ZMYM6: variants seen among roughly 807,000 people sequenced by gnomAD.
The protein encoded by ZMYM6 is zinc finger MYM-type protein 6.
A neutral mutation model predicts 134.0 loss-of-function variants in ZMYM6; 90 were observed. That is an observed-to-expected ratio of 0.67 (90% CI 0.57 to 0.80). The LOEUF (loss-of-function observed/expected upper bound fraction) is 0.80, where lower values mean the gene tolerates loss of function less well. Among genes scored for constraint, ZMYM6 ranks in the 30% least tolerant of loss-of-function variants. ZMYM6 has a pLI of 0.00. For synonymous variants in ZMYM6, 481 were observed against 524.1 expected (o/e 0.92, Z 1.12); for missense variants, 1,362 against 1,533.9 (o/e 0.89, Z 1.87).
chr1:35,009,469 GT>G (rs11327058), intron 10 of ZMYM6, among the ~76,000 whole-genome samples: 8,610 of 152,230 alleles, frequency 0.057, 721 homozygotes, highest in African/African-American at 0.19. Context: ...AGGTATAAAA[GT>G]TTTTTAAGCC....
chr1:34,991,106 C>T (rs1334184974), intron 15 of ZMYM6, among the ~76,000 whole-genome samples: 2 of 152,098 alleles, frequency 1.3e-5, no homozygotes, highest in Non-Finnish European at 2.9e-5. Flanking sequence ...TCAGGTGATC[C>T]GCCCATGTTG....
chr1:35,002,488 T>G (rs900581136), intron 14 of ZMYM6, among the ~76,000 whole-genome samples: 4 of 152,220 alleles, frequency 2.6e-5, no homozygotes, highest in Admixed American at 2.6e-4. Flanking sequence ...TGCCTTAGCA[T>G]AGATGATAGA....
In ZMYM6 at chr1:35,023,225, G is replaced by A. The variant is rs149846441; in HGVS notation, c.94-2758C>T. Among the ~76,000 whole-genome samples, 569 of 151,630 alleles carry A rather than the reference G, an allele frequency of 3.8e-3. 6 individuals carry two copies. The highest frequency in any genetic ancestry group is 0.012 in the African/African-American group (507 of 41,318). On this transcript the variant is annotated intron_variant, in intron 2 of 15. Transcript: ENST00000357182. ...AGGGTTCAATCGATTCTCCTCCCTC[G>A]GCCTCCCCAGTAGCTGGGATTACAG...
intron 6 of ZMYM6, among the ~76,000 whole-genome samples, chr1:35,014,323 C>T (rs185971537): frequency 3.9e-5 from 6 of 152,154 alleles, no homozygotes; most frequent in Admixed American, 2.0e-4. Context: ...TTTATGAGGC[C>T]GAGGTGTGGT....
chr1:35,010,617 C>A lies in ZMYM6; in HGVS notation c.1342-20G>T. Reference sequence around the variant, plus strand: ...TTTACCCTGCAGAGAAACAACAGTCCATTAAGAGCCAACTAAACAGTTGCT... The same window carrying A: ...TTTACCCTGCAGAGAAACAACAGTCAATTAAGAGCCAACTAAACAGTTGCT... On this transcript the variant is annotated intron_variant, in intron 9 of 15. Transcript: ENST00000357182. The A allele has an allele frequency of 1.3e-6, 2 of 1,591,506 alleles. No individual in the cohort carries two copies. Among genetic ancestry groups the A allele is most frequent in the South Asian group, 1.2e-5 (1 of 86,538 alleles).
At chr1:35,003,142 CCGCA>C (rs1249435713) in intron 14 of ZMYM6, among the ~76,000 whole-genome samples, 1 of 148,880 alleles carries the variant, frequency 6.7e-6, no homozygotes, top group African/African-American at 2.5e-5. Context: ...GATCATGCCA[CCGCA>C]CTCCAGCCTG....
At position 34,988,575 on chromosome 1, in the gene ZMYM6, G is replaced by A; in HGVS notation, c.2507C>T (p.Ala836Val). Residue 836 changes from alanine (A) to valine (V), a missense_variant, in exon 16 of 16, where the codon GCT becomes GTT. Physicochemically the swap from Ala to Val is moderately conservative, Grantham distance 64. Transcript: ENST00000357182. ...KSLVKASYLI[A>V]FQTAASKKPF... The stretch of plus-strand genomic sequence containing the variant: ...CTTCTTGCTTGCAGCAGTTTGGAAA[G>A]CAATTAAATAAGAAGCTTTCACAAG... The A allele has an allele frequency of 6.4e-7, 1 of 1,551,066 alleles. No homozygotes were observed. Among genetic ancestry groups the A allele is most frequent in the Non-Finnish European group, 8.7e-7 (1 of 1,146,884 alleles).
At position 35,019,617 on chromosome 1, in the gene ZMYM6, TAAA is replaced by T; in HGVS notation, c.179-18_179-16del. ...CAACTGCTGGGCTATCAAAACAAAA[TAAA>T]AAAAGTTTTAGTATCAATACTAATG... On this transcript the variant is annotated splice_polypyrimidine_tract_variant and intron_variant, in intron 3 of 15. Transcript: ENST00000357182. 6.4e-7 allele frequency: 1 copy of T among 1,566,596 alleles called. No individual in the cohort carries two copies. Among genetic ancestry groups the T allele is most frequent in the Non-Finnish European group, 8.6e-7 (1 of 1,164,916 alleles).
At chr1:35,020,565 CTCCTTT>C in intron 2 of ZMYM6, 98 bp from the exon 3 acceptor site, 1 of 552,104 alleles carries the variant, frequency 1.8e-6, no homozygotes, top group Non-Finnish European at 2.6e-6. Flanking sequence ...TCCTATTCAT[CTCCTTT>C]TTTTTTTTTT....
At chr1:35,013,008 T>C in intron 6 of ZMYM6, 1 of 971,924 alleles carries the variant, frequency 1.0e-6, no homozygotes, top group Non-Finnish European at 1.2e-6. Flanking sequence ...AAATGATATT[T>C]AATGTATATT....
At chr1:34,999,858 T>C (rs895053233) in intron 14 of ZMYM6, among the ~76,000 whole-genome samples, 2 of 152,120 alleles carry the variant, frequency 1.3e-5, no homozygotes, top group Non-Finnish European at 2.9e-5. Flanking sequence ...CTAACAATTC[T>C]ACTCTCCCAT....
chr1:34,989,002 C>A, intron 15 of ZMYM6, 67 bp from the exon 16 acceptor site: 1 of 1,538,332 alleles, frequency 6.5e-7, no homozygotes, highest in Non-Finnish European at 8.7e-7. Flanking sequence ...ATGTATCTCC[C>A]CACATATTTA....
At chr1:34,990,217 A>T (rs2148441405) in intron 15 of ZMYM6, 1 of 191,530 alleles carries the variant, frequency 5.2e-6, no homozygotes, top group Admixed American at 4.9e-5. Flanking sequence ...GCGGTGGCTC[A>T]CGCTTGTAAT....
At chr1:34,989,057 TGGTAAAA>T in intron 15 of ZMYM6, 122 bp from the exon 16 acceptor site, 1 of 1,481,040 alleles carries the variant, frequency 6.8e-7, no homozygotes, top group Non-Finnish European at 8.9e-7. Flanking sequence ...AAGAATGCAC[TGGTAAAA>T]GTTTAAGCAC....
At chr1:35,005,872 A>G (rs1231364430) in intron 12 of ZMYM6, among the ~76,000 whole-genome samples, 1 of 152,240 alleles carries the variant, frequency 6.6e-6, no homozygotes, top group African/African-American at 2.4e-5. Context: ...GGCTAACACG[A>G]AAGATTAGCA....
chr1:35,031,288 AG>A (rs1024291547), intron 1 of ZMYM6: 2 of 152,234 alleles, frequency 1.3e-5, no homozygotes, highest in African/African-American at 4.8e-5. Flanking sequence ...TCTCCGTGTG[AG>A]GGGTGGGGGG....
intron 14 of ZMYM6, among the ~76,000 whole-genome samples, chr1:35,002,269 G>A (rs1365143199): frequency 6.6e-6 from 1 of 152,136 alleles, no homozygotes; most frequent in Non-Finnish European, 1.5e-5. Context: ...TTATTAGCAG[G>A]TGTTATGTTG....
At chr1:35,015,743 A>AAAAAATATATATATATATAT in intron 4 of ZMYM6, among the ~76,000 whole-genome samples, 1 of 106,468 alleles carries the variant, frequency 9.4e-6, no homozygotes, top group African/African-American at 6.6e-5. Context: ...AAAAAAAAAA[A>AAAAAATATATATATATATAT]ATATATATAT....
In ZMYM6 at chr1:34,987,272, C is replaced by T. The variant is rs183418024; in HGVS notation, c.3810G>A (p.Arg1270=). The part of the protein sequence containing the change: ...AKTSYPELHE[R]AMKFLLPFST... Reference sequence around the variant, plus strand: ...AAAAGGGTAATAAAAATTTCATTGCCCTTTCATGGAGTTCTGGGTAACTTG... The same window carrying T: ...AAAAGGGTAATAAAAATTTCATTGCTCTTTCATGGAGTTCTGGGTAACTTG... Residue 1270 remains arginine, a synonymous_variant, in exon 16 of 16, where the codon AGG becomes AGA. Coordinates refer to ENST00000357182, the MANE Select transcript of ZMYM6 (RefSeq NM_007167.4). 1.2e-6 allele frequency: 2 copies of T among 1,612,932 alleles called. No individual in the cohort carries two copies. Among genetic ancestry groups the T allele is most frequent in the East Asian group, 2.2e-5 (1 of 44,834 alleles).
Sources: allele counts gnomAD v4.1 joint callset (sites outside exome capture counted in the v4.1 genomes callset), GRCh38; gene constraint gnomAD v4.1.1; transcripts MANE v1.5; gene names NCBI Gene and HGNC (gene_info 2026-07-23, HGNC 2026-07-21).